ROBO2: variants seen among roughly 807,000 people sequenced by gnomAD.
ROBO2 encodes roundabout homolog 2.
Under a neutral mutation model 160.8 loss-of-function variants are expected in ROBO2, and 53 were observed. The observed-to-expected ratio is 0.33, with a 90% CI of 0.26 to 0.41. The LOEUF is 0.41. Among genes scored for constraint, ROBO2 ranks in the 10% least tolerant of loss-of-function variants. The pLI, the probability that ROBO2 is intolerant of heterozygous loss-of-function variation, is 1.00. For synonymous variants in ROBO2, 664 were observed against 611.7 expected (o/e 1.09, Z -1.26); for missense variants, 1,577 against 1,722.4 (o/e 0.92, Z 1.49).
intron 2 of ROBO2, among the ~76,000 whole-genome samples, chr3:76,652,072 T>A (rs1174279027): frequency 2.0e-5 from 3 of 152,138 alleles, no homozygotes; most frequent in Non-Finnish European, 4.4e-5. Context: ...TGACTGTAGA[T>A]GGGACTTCAA....
intron 2 of ROBO2, among the ~76,000 whole-genome samples, chr3:76,041,518 T>C (rs1440504313): frequency 1.3e-5 from 2 of 152,082 alleles, no homozygotes; most frequent in East Asian, 3.8e-4. Flanking sequence ...TGCATTATTT[T>C]AGCTCTTAAG....
At chr3:76,569,547 C>G (rs146519688) in intron 2 of ROBO2, among the ~76,000 whole-genome samples, 27 of 152,078 alleles carry the variant, frequency 1.8e-4, no homozygotes, top group African/African-American at 6.5e-4. Context: ...ACTAGTTTTA[C>G]TATATATGGA....
At chr3:77,103,117 A>G (rs891494722) in intron 2 of ROBO2, among the ~76,000 whole-genome samples, 1 of 152,152 alleles carries the variant, frequency 6.6e-6, no homozygotes, top group African/African-American at 2.4e-5. Context: ...GGGTCCTCAC[A>G]GAGATTGTAG....
intron 2 of ROBO2, among the ~76,000 whole-genome samples, chr3:76,766,671 T>A (rs896609337): frequency 2.0e-5 from 3 of 151,676 alleles, no homozygotes; most frequent in Middle Eastern, 3.2e-3. Context: ...TTACTGGGAC[T>A]CTCAATGGAT....
intron 2 of ROBO2, among the ~76,000 whole-genome samples, chr3:76,325,542 A>G (rs1054911812): frequency 6.6e-6 from 1 of 152,214 alleles, no homozygotes; most frequent in Non-Finnish European, 1.5e-5. Context: ...AATGTCAGGT[A>G]TCAGACCATA....
At chr3:76,985,325 G>A (rs1048217351) in intron 2 of ROBO2, among the ~76,000 whole-genome samples, 1 of 151,968 alleles carries the variant, frequency 6.6e-6, no homozygotes, top group Non-Finnish European at 1.5e-5. Flanking sequence ...GCTCACACCT[G>A]TAATCCCAGC....
intron 2 of ROBO2, among the ~76,000 whole-genome samples, chr3:77,461,924 C>A (rs1452673221): frequency 6.6e-6 from 1 of 152,012 alleles, no homozygotes; most frequent in Non-Finnish European, 1.5e-5. Context: ...CGGGGTTTCA[C>A]CATGTTGGCC....
intron 2 of ROBO2, among the ~76,000 whole-genome samples, chr3:76,198,868 C>T (rs1041207649): frequency 2.0e-5 from 3 of 152,108 alleles, no homozygotes; most frequent in Non-Finnish European, 4.4e-5. Flanking sequence ...TCCCACATTT[C>T]CAAACCAAAC....
intron 2 of ROBO2, among the ~76,000 whole-genome samples, chr3:77,112,976 T>TG (rs1254133252): frequency 1.3e-5 from 2 of 152,246 alleles, no homozygotes; most frequent in Admixed American, 6.5e-5. Context: ...CCCTTTCAGT[T>TG]GCAGAATAAT....
At position 77,058,351 on chromosome 3, in the gene ROBO2, G is replaced by T. The variant is rs115735473; in HGVS notation, c.61+17505G>T. Reference sequence around the variant, plus strand: ...GTAATATTCACAATAGCCTGCTATTGTAATTTTAAATAAAATATTATTGTG... The same window carrying T: ...GTAATATTCACAATAGCCTGCTATTTTAATTTTAAATAAAATATTATTGTG... On this transcript the variant is annotated intron_variant, in intron 1 of 25. Coordinates refer to ENST00000461745, the Ensembl canonical transcript of ROBO2. Among the ~76,000 whole-genome samples, 1,060 of 152,186 alleles carry T rather than the reference G, an allele frequency of 7.0e-3. 7 individuals carry two copies. Among genetic ancestry groups the T allele is most frequent in the Non-Finnish European group, 9.9e-3 (676 of 68,026 alleles).
intron 2 of ROBO2, among the ~76,000 whole-genome samples, chr3:77,216,886 A>G (rs2085041582): frequency 6.6e-6 from 1 of 152,184 alleles, no homozygotes; most frequent in South Asian, 2.1e-4. Flanking sequence ...TTTAAAAAAA[A>G]TCACTCTTAT....
At chr3:76,384,898 C>A (rs2076808402) in intron 2 of ROBO2, among the ~76,000 whole-genome samples, 1 of 152,196 alleles carries the variant, frequency 6.6e-6, no homozygotes, top group Non-Finnish European at 1.5e-5. Context: ...CACAGCCAAA[C>A]CCTACCAGTG....
intron 2 of ROBO2, among the ~76,000 whole-genome samples, chr3:76,377,627 G>T (rs181677326): frequency 1.3e-5 from 2 of 152,052 alleles, no homozygotes; most frequent in African/African-American, 2.4e-5. Flanking sequence ...ACACTTCAGC[G>T]AATGCTCTCC....
intron 2 of ROBO2, among the ~76,000 whole-genome samples, chr3:76,396,563 T>C (rs1248436523): frequency 2.0e-5 from 3 of 152,082 alleles, no homozygotes; most frequent in African/African-American, 7.2e-5. Flanking sequence ...TGATTATATA[T>C]CTAGAAAACC....
intron 2 of ROBO2, among the ~76,000 whole-genome samples, chr3:76,205,665 C>T (rs1445926302): frequency 6.6e-6 from 1 of 152,140 alleles, no homozygotes; most frequent in Non-Finnish European, 1.5e-5. Context: ...TTTACACAGC[C>T]CCTCCCTCCT....
intron 2 of ROBO2, among the ~76,000 whole-genome samples, chr3:77,388,640 A>G (rs1342151838): frequency 6.6e-6 from 1 of 152,200 alleles, no homozygotes; most frequent in Non-Finnish European, 1.5e-5. Context: ...GTGATACAAC[A>G]TGATATTTTT....
chr3:76,333,384 G>A (rs1490809892), intron 2 of ROBO2, among the ~76,000 whole-genome samples: 1 of 152,068 alleles, frequency 6.6e-6, no homozygotes, highest in African/African-American at 2.4e-5. Context: ...CTGAATAGAT[G>A]AGCTGAGCAA....
At chr3:76,086,850 A>G (rs2069034753) in intron 2 of ROBO2, among the ~76,000 whole-genome samples, 1 of 152,156 alleles carries the variant, frequency 6.6e-6, no homozygotes, top group African/African-American at 2.4e-5. Context: ...AAATTATAAA[A>G]AAGAATCAAA....
intron 1 of ROBO2, among the ~76,000 whole-genome samples, chr3:75,936,342 G>A (rs998551872): frequency 1.9e-4 from 29 of 152,104 alleles, no homozygotes; most frequent in Non-Finnish European, 7.4e-5. Context: ...TTGTAATTAT[G>A]CAGCATTTTG....
Sources: gnomAD v4.1 joint callset for allele counts (sites outside exome capture counted in the v4.1 genomes callset) on GRCh38, gnomAD v4.1.1 for gene constraint, MANE v1.5 for transcripts, NCBI Gene and HGNC (gene_info 2026-07-23, HGNC 2026-07-21) for gene names.